KREMEN1: variants seen among roughly 807,000 people sequenced by gnomAD.
The protein encoded by KREMEN1 is kremen protein 1.
KREMEN1 carries 30 observed loss-of-function variants against 46.5 expected under a neutral mutation model. The ratio of observed to expected loss-of-function variants is 0.65; its 90% CI spans 0.48 to 0.88. The LOEUF (loss-of-function observed/expected upper bound fraction) is 0.88. Among genes scored for constraint, KREMEN1 ranks in the 40% least tolerant of loss-of-function variants. The pLI, the probability that KREMEN1 is intolerant of heterozygous loss-of-function variation, is 0.00. For missense variants in KREMEN1, 533 were observed against 596.9 expected (o/e 0.89, Z 1.11); for synonymous variants, 214 against 230.6 (o/e 0.93, Z 0.65).
chr22:29,137,778 C>T (rs2038694413), intron 6 of KREMEN1, 104 bp downstream of exon 6: 1 of 874,736 alleles, frequency 1.1e-6, no homozygotes. Flanking sequence ...CAGATTGGGC[C>T]TCAGGAACTA....
intron 3 of KREMEN1, among the ~76,000 whole-genome samples, chr22:29,106,082 A>C (rs2038054839): frequency 6.6e-6 from 1 of 152,246 alleles, no homozygotes; most frequent in South Asian, 2.1e-4. Flanking sequence ...GTGGTGGTCA[A>C]GGCAGTTTCT....
At chr22:29,105,045 C>T (rs1601772732) in intron 3 of KREMEN1, among the ~76,000 whole-genome samples, 1 of 152,274 alleles carries the variant, frequency 6.6e-6, no homozygotes, top group East Asian at 1.9e-4. Flanking sequence ...TGTGGGGAAT[C>T]CTCAGTCTGG....
At chr22:29,105,478 TACACACAC>T (rs10642386) in intron 3 of KREMEN1, among the ~76,000 whole-genome samples, 55 of 147,002 alleles carry the variant, frequency 3.7e-4, no homozygotes, top group African/African-American at 9.1e-4. Flanking sequence ...CACACACACA[TACACACAC>T]ACACACACAC....
intron 5 of KREMEN1, among the ~76,000 whole-genome samples, chr22:29,128,901 A>T (rs147284748): frequency 0.011 from 1,614 of 152,344 alleles, 29 homozygotes; most frequent in African/African-American, 0.037. Flanking sequence ...GTAAAAATAG[A>T]TCATAATAAC....
chr22:29,128,881 A>G (rs1434052980), intron 5 of KREMEN1, among the ~76,000 whole-genome samples: 1 of 152,230 alleles, frequency 6.6e-6, no homozygotes, highest in East Asian at 1.9e-4. Context: ...AATCCCTTTT[A>G]TTAACAATAG....
chr22:29,094,959 G>T (rs1422584983), intron 2 of KREMEN1, among the ~76,000 whole-genome samples: 3 of 152,138 alleles, frequency 2.0e-5, no homozygotes, highest in African/African-American at 7.2e-5. Flanking sequence ...TTGTTTTAAT[G>T]CTGGCTTTGA....
chr22:29,121,527 A>G (rs555304462), intron 4 of KREMEN1, 46 bp downstream of exon 4: 2 of 1,599,746 alleles, frequency 1.3e-6, no homozygotes, highest in East Asian at 4.5e-5. Context: ...ATAAAGATGT[A>G]AATGCATTTT....
downstream of KREMEN1, chr22:29,168,333 CAAAAAA>C (rs60121498): frequency 1.1e-4 from 9 of 79,320 alleles, no homozygotes; most frequent in East Asian, 4.7e-4. Context: ...GACCCTGTCT[CAAAAAA>C]AAAAAAAAAA....
chr22:29,141,226 CGTGT>C (rs132278), intron 8 of KREMEN1, among the ~76,000 whole-genome samples: 17 of 148,628 alleles, frequency 1.1e-4, no homozygotes, highest in South Asian at 2.1e-4. Context: ...ATAATGTCCT[CGTGT>C]GTGTGTGTGT....
At chr22:29,105,367 G>C (rs1256663442) in intron 3 of KREMEN1, among the ~76,000 whole-genome samples, 1 of 132,470 alleles carries the variant, frequency 7.5e-6, no homozygotes, top group African/African-American at 2.8e-5. Flanking sequence ...AAGTAGCAAG[G>C]TTCTAGATGT....
chr22:29,074,046 CGCAGA>C (rs1462526858), intron 1 of KREMEN1, among the ~76,000 whole-genome samples: 2 of 152,246 alleles, frequency 1.3e-5, no homozygotes. Flanking sequence ...CGCCTCCCCG[CGCAGA>C]GCAGAGCGGA....
intron 9 of KREMEN1, among the ~76,000 whole-genome samples, chr22:29,165,034 A>G (rs936636060): frequency 1.3e-5 from 2 of 151,362 alleles, no homozygotes; most frequent in Admixed American, 6.6e-5. Flanking sequence ...TTAGCCGGGC[A>G]TGGTGGTGCG....
At chr22:29,111,427 A>G (rs980818103) in intron 3 of KREMEN1, among the ~76,000 whole-genome samples, 2 of 151,880 alleles carry the variant, frequency 1.3e-5, no homozygotes, top group East Asian at 1.9e-4. Flanking sequence ...CCTGGCTAAC[A>G]CAGTGAAACC....
chr22:29,104,758 G>A lies in KREMEN1; in HGVS notation c.352+5805G>A, dbSNP rs186614973. On this transcript the variant is annotated intron_variant, in intron 3 of 8. Transcript: ENST00000400335. ...AAAATACAAAAATAAACTGGGCGTG[G>A]TGGTGCACATCTGTAGTCCCACCTA... Among the ~76,000 whole-genome samples, 17 of 152,264 alleles carry A rather than the reference G, an allele frequency of 1.1e-4. No homozygotes were observed. In the East Asian group the frequency reaches 3.1e-3, roughly 28 times the overall value.
rs751493326 is a variant in KREMEN1, at chr22:29,137,510, C to A, written c.800C>A (p.Ala267Glu). Residue 267 changes from alanine (A) to glutamate (E), a missense_variant, in exon 6 of 9, where the codon GCG becomes GAG. Physicochemically the swap from Ala to Glu is moderately radical, Grantham distance 107 (BLOSUM62 -1). Coordinates refer to ENST00000400335, the MANE Select transcript of KREMEN1 (RefSeq NM_001039570.3). ...CCCCTATTTGACATCAGGGACTCGGCGGACATGGTGGAGCTTCTGGATGGC... is the reference window on the plus strand; with the variant it reads ...CCCCTATTTGACATCAGGGACTCGGAGGACATGGTGGAGCTTCTGGATGGC... ...SFPLFDIRDS[A>E]DMVELLDGYT... The A allele has an allele frequency of 8.7e-6, 14 of 1,611,528 alleles. No individual in the cohort carries two copies. The highest frequency in any genetic ancestry group is 1.2e-5 in the Non-Finnish European group (14 of 1,177,904).
chr22:29,129,859 T>G (rs527830326), intron 5 of KREMEN1, among the ~76,000 whole-genome samples: 11 of 152,340 alleles, frequency 7.2e-5, no homozygotes, highest in Admixed American at 7.2e-4. Context: ...AGCTGTGTAC[T>G]GTGGGCAAGC....
At chr22:29,130,885 C>T (rs2038523451) in intron 5 of KREMEN1, among the ~76,000 whole-genome samples, 1 of 152,162 alleles carries the variant, frequency 6.6e-6, no homozygotes, top group African/African-American at 2.4e-5. Flanking sequence ...GTCTTGACTA[C>T]TATATTTCAA....
intron 2 of KREMEN1, among the ~76,000 whole-genome samples, chr22:29,096,050 A>G (rs2037878217): frequency 1.3e-5 from 2 of 152,194 alleles, no homozygotes; most frequent in African/African-American, 2.4e-5. Context: ...TTCAAGTTAC[A>G]CATGCTTATT....
rs1220056221 is a variant in KREMEN1 at position 29,131,649 on chromosome 22, TATATGTATATATATAC to T, written c.632-5690_632-5675del. ...ATATATGTATATATATGTGTGTATA[TATATGTATATATATAC>T]ATGTATATATATGCATATATACATG... On this transcript the variant is annotated intron_variant, in intron 5 of 8. Transcript: ENST00000400335. 1.5e-4 allele frequency among the ~76,000 whole-genome samples: 18 copies of T among 121,032 alleles called. 1 individual carries two copies. Among genetic ancestry groups the T allele is most frequent in the Admixed American group, 2.5e-4 (3 of 11,998 alleles). The allele number at this position is 121,032 out of a possible 152,430, so 79.4% of individuals were successfully genotyped here.
Sources: gnomAD v4.1 joint callset for allele counts (sites outside exome capture counted in the v4.1 genomes callset) on GRCh38, gnomAD v4.1.1 for gene constraint, MANE v1.5 for transcripts, NCBI Gene and HGNC (gene_info 2026-07-23, HGNC 2026-07-21) for gene names.